The following CLIC5 variants were observed in gnomAD, a reference collection of about 807,000 sequenced individuals.
CLIC5 encodes CLIC family member 5, also known as chloride intracellular channel protein 5.
A neutral mutation model predicts 24.7 loss-of-function variants in CLIC5; 20 were observed. The ratio of observed to expected loss-of-function variants is 0.81; its 90% CI spans 0.57 to 1.18. CLIC5 has a LOEUF of 1.18. CLIC5 is among the 50% of genes most tolerant of loss of function. The pLI, the probability that CLIC5 is intolerant of heterozygous loss-of-function variation, is 0.00. For missense variants in CLIC5, 341 were observed against 326.1 expected (o/e 1.05, Z -0.35); for synonymous variants, 159 against 135.6 (o/e 1.17, Z -1.20).
intron 4 of CLIC5, among the ~76,000 whole-genome samples, chr6:45,935,445 T>C (rs114645998): frequency 0.021 from 3,189 of 152,302 alleles, 121 homozygotes; most frequent in African/African-American, 0.073. Flanking sequence ...TGCTTGCTAA[T>C]TACAGGGATG....
At chr6:46,006,960 C>A (rs1324722452) in intron 1 of CLIC5, among the ~76,000 whole-genome samples, 1 of 152,188 alleles carries the variant, frequency 6.6e-6, no homozygotes, top group African/African-American at 2.4e-5. Flanking sequence ...TCATGAGCCA[C>A]CATGCCCAGC....
At chr6:45,953,448 CT>C (rs1764535816) in intron 2 of CLIC5, among the ~76,000 whole-genome samples, 1 of 151,996 alleles carries the variant, frequency 6.6e-6, no homozygotes, top group African/African-American at 2.4e-5. Context: ...GAAGCTGAGC[CT>C]GGGGCCAGGG....
At chr6:45,976,251 C>T (rs1765380681) in intron 1 of CLIC5, among the ~76,000 whole-genome samples, 1 of 152,174 alleles carries the variant, frequency 6.6e-6, no homozygotes, top group Non-Finnish European at 1.5e-5. Flanking sequence ...TTTTTCATGT[C>T]TTGGGAAGCA....
At chr6:46,101,215 C>A in the CLIC5 span, among the ~76,000 whole-genome samples, 1 of 152,122 alleles carries the variant, frequency 6.6e-6, no homozygotes, top group Non-Finnish European at 1.5e-5. Flanking sequence ...CTAAAGTAAC[C>A]AAGAAGCCTA....
intron 1 of CLIC5, among the ~76,000 whole-genome samples, chr6:46,062,323 G>A (rs1376127495): frequency 6.6e-6 from 1 of 152,182 alleles, no homozygotes; most frequent in Admixed American, 6.5e-5. Flanking sequence ...TTAACAAAAG[G>A]CATTCATGCC....
At position 45,913,531 on chromosome 6, in the gene CLIC5, C is replaced by A. The variant is rs1254395180; in HGVS notation, c.588+697G>T. On this transcript the variant is annotated intron_variant, in intron 5 of 5. Transcript: ENST00000339561. ...GAGGGCTCCTCGTTCTCAGAGGCTGCAGTCACAGCTTCACAGAAGCCTGTC... is the reference window on the plus strand; with the variant it reads ...GAGGGCTCCTCGTTCTCAGAGGCTGAAGTCACAGCTTCACAGAAGCCTGTC... Among the ~76,000 whole-genome samples the A allele has an allele frequency of 2.6e-5, 4 of 152,196 alleles. No individual in the cohort carries two copies. The East Asian group carries it at 7.7e-4, about 29-fold the overall frequency.
chr6:45,990,642 C>A (rs144495329), intron 1 of CLIC5, among the ~76,000 whole-genome samples: 1 of 152,312 alleles, frequency 6.6e-6, no homozygotes, highest in African/African-American at 2.4e-5. Context: ...TTCATCCTGC[C>A]TTACAAAATA....
At chr6:45,952,864 A>T (rs1764517954) in intron 2 of CLIC5, among the ~76,000 whole-genome samples, 2 of 152,286 alleles carry the variant, frequency 1.3e-5, no homozygotes, top group South Asian at 4.1e-4. Flanking sequence ...TCTGCACTGA[A>T]GGAAGCTGCT....
the CLIC5 span, among the ~76,000 whole-genome samples, chr6:46,123,313 C>A: frequency 6.6e-6 from 1 of 152,158 alleles, no homozygotes; most frequent in Non-Finnish European, 1.5e-5. Flanking sequence ...AGCATATTAA[C>A]AGAACCAAAG....
rs372300556 is a variant in CLIC5, at chr6:45,903,197, C to A, written c.647G>T (p.Arg216Leu). The A allele has an allele frequency of 2.5e-6, 4 of 1,612,224 alleles. No individual in the cohort carries two copies. The highest frequency in any genetic ancestry group is 3.4e-6 in the Non-Finnish European group (4 of 1,179,444). ...ACGGGCATAGGCGTTCTTGAGGTAC[C>A]GCCACAGGCCTGTCATCTCAGCCGG... ...DIPAEMTGLWRYLKNAYARDE... is the reference protein window; with the variant it reads ...DIPAEMTGLWLYLKNAYARDE... Residue 216 changes from arginine to leucine, a missense_variant, in exon 6 of 6, where the codon CGG becomes CTG. Transcript: ENST00000339561.
intron 1 of CLIC5, among the ~76,000 whole-genome samples, chr6:46,046,888 G>A (rs1191767497): frequency 6.6e-6 from 1 of 152,172 alleles, no homozygotes; most frequent in Non-Finnish European, 1.5e-5. Context: ...GAAACAATCT[G>A]TGTCCATTTA....
At chr6:45,928,376 G>A (rs555743451) in intron 4 of CLIC5, among the ~76,000 whole-genome samples, 4 of 152,300 alleles carry the variant, frequency 2.6e-5, no homozygotes, top group Admixed American at 1.3e-4. Context: ...AAAAATGAGG[G>A]AATCTGTTCT....
chr6:46,100,527 C>T, the CLIC5 span, among the ~76,000 whole-genome samples: 2 of 152,156 alleles, frequency 1.3e-5, no homozygotes, highest in African/African-American at 2.4e-5. Context: ...CAAACACCCT[C>T]CCAGCCGAAA....
the CLIC5 span, among the ~76,000 whole-genome samples, chr6:46,103,645 T>G: frequency 1.4e-5 from 1 of 72,232 alleles, no homozygotes; most frequent in African/African-American, 3.9e-5. Flanking sequence ...TGGCATACAT[T>G]TCTTAACTCC....
chr6:45,897,355 T>C (rs1156624866), downstream of CLIC5, among the ~76,000 whole-genome samples: 1 of 152,134 alleles, frequency 6.6e-6, no homozygotes, highest in Non-Finnish European at 1.5e-5. Context: ...CCCAGACCAT[T>C]TGTGCTTTAC....
chr6:46,071,634 TAG>T (rs1261283922), intron 1 of CLIC5, among the ~76,000 whole-genome samples: 15 of 152,274 alleles, frequency 9.9e-5, no homozygotes, highest in African/African-American at 3.4e-4. Context: ...CACTGTTGAT[TAG>T]AGTGTAAGTT....
chr6:46,092,412 A>G, the CLIC5 span, among the ~76,000 whole-genome samples: 23 of 150,134 alleles, frequency 1.5e-4, no homozygotes, highest in Admixed American at 4.6e-4. Flanking sequence ...CATGATTATT[A>G]TTTTTTTCTC....
At chr6:46,051,862 T>A (rs1163304481) in intron 1 of CLIC5, among the ~76,000 whole-genome samples, 3 of 152,148 alleles carry the variant, frequency 2.0e-5, no homozygotes, top group Non-Finnish European at 4.4e-5. Flanking sequence ...CACCCAGCTA[T>A]TATGTTAGTC....
intron 1 of CLIC5, among the ~76,000 whole-genome samples, chr6:45,963,643 C>A (rs1352974431): frequency 1.3e-5 from 2 of 151,416 alleles, no homozygotes; most frequent in African/African-American, 4.9e-5. Context: ...ATGCTACTTA[C>A]CCTAAGCTTA....
Sources: gnomAD v4.1 joint callset for allele counts (sites outside exome capture counted in the v4.1 genomes callset) on GRCh38, gnomAD v4.1.1 for gene constraint, MANE v1.5 for transcripts, NCBI Gene and HGNC (gene_info 2026-07-23, HGNC 2026-07-21) for gene names.